The following PACRG variants were observed in gnomAD, a reference collection of about 807,000 sequenced individuals.
PACRG encodes the protein parkin coregulated.
A neutral mutation model predicts 29.7 loss-of-function variants in PACRG; 29 were observed. The observed-to-expected ratio is 0.98, with a 90% CI of 0.73 to 1.33. The LOEUF is 1.33. Among genes scored for constraint, PACRG ranks in the 40% most tolerant of loss-of-function variants. The pLI, the probability that PACRG is intolerant of heterozygous loss-of-function variation, is 0.00. For synonymous variants in PACRG, 116 were observed against 118.7 expected, an observed-to-expected ratio of 0.98 and a Z score of 0.15; for missense variants, 279 against 316.2, an observed-to-expected ratio of 0.88 and a Z score of 0.89.
chr6:162,747,393 T>TATATATATAC (rs1562556815), intron 1 of PACRG, among the ~76,000 whole-genome samples: 1 of 36,980 alleles, frequency 2.7e-5, no homozygotes, highest in African/African-American at 2.0e-4. Context: ...TATATATGTA[T>TATATATATAC]ATATATATGT....
intron 4 of PACRG, chr6:163,101,449 G>A (rs769382775): frequency 8.7e-6 from 8 of 924,742 alleles, no homozygotes; most frequent in Non-Finnish European, 1.0e-5. Flanking sequence ...TTATAAATAT[G>A]ATAAACAATC....
intron 2 of PACRG, among the ~76,000 whole-genome samples, chr6:162,972,138 T>G (rs1406823944): frequency 6.6e-6 from 1 of 152,222 alleles, no homozygotes; most frequent in Non-Finnish European, 1.5e-5. Context: ...TTTAAGACTT[T>G]GGCGAGTCTC....
intron 2 of PACRG, among the ~76,000 whole-genome samples, chr6:162,935,628 C>A (rs1003727557): frequency 6.6e-6 from 1 of 151,396 alleles, no homozygotes; most frequent in Non-Finnish European, 1.5e-5. Flanking sequence ...CTTCTGTAAC[C>A]TGTTGAGTTT....
chr6:163,190,829 G>T, intron 4 of PACRG: 1 of 378,462 alleles, frequency 2.6e-6, no homozygotes, highest in Non-Finnish European at 5.3e-6. Context: ...TAACAACTTC[G>T]TCTTCTTTCA....
chr6:163,121,529 G>A (rs907634020), intron 4 of PACRG, among the ~76,000 whole-genome samples: 1 of 152,038 alleles, frequency 6.6e-6, no homozygotes, highest in African/African-American at 2.4e-5. Context: ...GACTGCTGCG[G>A]CCTCTCTGCT....
intron 4 of PACRG, among the ~76,000 whole-genome samples, chr6:163,192,199 A>G (rs1043101424): frequency 4.5e-4 from 69 of 152,222 alleles, no homozygotes; most frequent in African/African-American, 1.6e-3. Flanking sequence ...GAATGAAGGA[A>G]AATGAAATGC....
chr6:163,170,404 CCCTGCTGAACATCAGATTG>C (rs1451036172), intron 4 of PACRG: 2 of 152,158 alleles, frequency 1.3e-5, no homozygotes, highest in African/African-American at 4.8e-5. Context: ...AGGGACTCAC[CCCTGCTGAACATCAGATTG>C]AGGGTCATGT....
intron 4 of PACRG, among the ~76,000 whole-genome samples, chr6:163,226,197 G>A (rs907523516): frequency 6.6e-6 from 1 of 152,238 alleles, no homozygotes; most frequent in Non-Finnish European, 1.5e-5. Flanking sequence ...TTTAGCAGGA[G>A]CCTGGGGAAG....
chr6:163,138,125 A>G (rs1817011419), intron 4 of PACRG, among the ~76,000 whole-genome samples: 1 of 152,224 alleles, frequency 6.6e-6, no homozygotes, highest in Admixed American at 6.5e-5. Context: ...ACTTAAATCG[A>G]GTTACAAACC....
In PACRG at chr6:163,027,994, G is replaced by A. The variant is rs117167699; in HGVS notation, c.292-34156G>A. The stretch of plus-strand genomic sequence containing the variant: ...GCAGCACTGCACAAGCCAGGGAAGG[G>A]AAAGGGCACGCCAGCCTTGAGAGAA... On this transcript the variant is annotated intron_variant, in intron 2 of 4. Transcript: ENST00000366888. Among the ~76,000 whole-genome samples the A allele has an allele frequency of 6.4e-3, 968 of 152,332 alleles. 7 individuals are homozygous for A. The highest frequency in any genetic ancestry group is 0.02 in the Middle Eastern group (6 of 294).
intron 4 of PACRG, among the ~76,000 whole-genome samples, chr6:163,249,952 A>G (rs1458471754): frequency 6.6e-6 from 1 of 152,226 alleles, no homozygotes; most frequent in African/African-American, 2.4e-5. Flanking sequence ...ACCAGATGAC[A>G]CACACTCCTT....
intron 4 of PACRG, chr6:163,309,959 C>T (rs1231383328): frequency 6.6e-6 from 1 of 152,180 alleles, no homozygotes; most frequent in East Asian, 1.9e-4. Context: ...TATTCGGTAT[C>T]AAATGAACAA....
intron 1 of PACRG, among the ~76,000 whole-genome samples, chr6:162,733,628 A>G (rs1195905170): frequency 6.6e-6 from 1 of 152,144 alleles, no homozygotes; most frequent in Non-Finnish European, 1.5e-5. Context: ...AGCTTCCTCT[A>G]TTGGGAAGGC....
intron 2 of PACRG, among the ~76,000 whole-genome samples, chr6:162,986,554 A>G (rs1802906714): frequency 1.3e-5 from 2 of 152,164 alleles, no homozygotes; most frequent in African/African-American, 4.8e-5. Flanking sequence ...TTATACAAAA[A>G]TCAACTCAAG....
intron 4 of PACRG, among the ~76,000 whole-genome samples, chr6:163,259,276 C>A (rs1457347555): frequency 6.6e-6 from 1 of 152,212 alleles, no homozygotes; most frequent in Non-Finnish European, 1.5e-5. Flanking sequence ...TATGCTAAGA[C>A]TGGCTAATAA....
chr6:162,739,320 C>T (rs1387873775), intron 1 of PACRG, among the ~76,000 whole-genome samples: 1 of 151,952 alleles, frequency 6.6e-6, no homozygotes, highest in African/African-American at 2.4e-5. Flanking sequence ...ATATTCATAG[C>T]CTTTGCCCAT....
chr6:163,194,720 G>A (rs1226799839), intron 4 of PACRG, among the ~76,000 whole-genome samples: 2 of 152,194 alleles, frequency 1.3e-5, no homozygotes, highest in Admixed American at 1.3e-4. Context: ...GCATCAATGT[G>A]CAAGTATTTT....
intron 1 of PACRG, among the ~76,000 whole-genome samples, chr6:162,765,524 C>A (rs1782715633): frequency 6.6e-6 from 1 of 152,098 alleles, no homozygotes; most frequent in Non-Finnish European, 1.5e-5. Context: ...CATGTGGGAA[C>A]ATGGAAAAGG....
chr6:163,082,973 T>C (rs988408671), intron 3 of PACRG, among the ~76,000 whole-genome samples: 1 of 152,232 alleles, frequency 6.6e-6, no homozygotes, highest in Non-Finnish European at 1.5e-5. Flanking sequence ...TGCATTTTTA[T>C]GGCTTTTAGG....
Sources: allele counts gnomAD v4.1 joint callset (sites outside exome capture counted in the v4.1 genomes callset), GRCh38; gene constraint gnomAD v4.1.1; transcripts MANE v1.5; gene names NCBI Gene and HGNC (gene_info 2026-07-23, HGNC 2026-07-21).